THSD7B: variants seen among roughly 807,000 people sequenced by gnomAD.
THSD7B encodes the protein thrombospondin type 1 domain containing 7B.
THSD7B carries 138 observed loss-of-function variants against 213.6 expected under a neutral mutation model. The ratio of observed to expected loss-of-function variants is 0.65; its 90% CI spans 0.56 to 0.74. The LOEUF is 0.74. Among genes scored for constraint, THSD7B ranks in the 30% least tolerant of loss-of-function variants. THSD7B has a pLI of 0.00. For synonymous variants in THSD7B, 742 were observed against 687.0 expected, an observed-to-expected ratio of 1.08 and a Z score of -1.25; for missense variants, 1,931 against 1,991.5, an observed-to-expected ratio of 0.97 and a Z score of 0.58.
intron 17 of THSD7B, among the ~76,000 whole-genome samples, chr2:137,606,306 G>A (rs921521239): frequency 1.3e-5 from 2 of 152,112 alleles, no homozygotes; most frequent in African/African-American, 4.8e-5. Context: ...GACCTAGATC[G>A]AAGTCCCATG....
intron 1 of THSD7B, among the ~76,000 whole-genome samples, chr2:136,838,880 C>T (rs905971485): frequency 4.6e-5 from 7 of 152,162 alleles, no homozygotes; most frequent in Admixed American, 2.0e-4. Context: ...TCTACTTGTG[C>T]AGCTGCCTTG....
At chr2:137,319,276 C>A (rs1684209287) in intron 12 of THSD7B, among the ~76,000 whole-genome samples, 1 of 150,828 alleles carries the variant, frequency 6.6e-6, no homozygotes, top group Admixed American at 6.6e-5. Flanking sequence ...ATCTCCTTCA[C>A]CATCCATGTG....
chr2:136,983,449 T>C (rs4954458), intron 2 of THSD7B, among the ~76,000 whole-genome samples: 84,783 of 149,812 alleles, frequency 0.57, 25,759 homozygotes, highest in East Asian at 0.94. Flanking sequence ...TTTGGAGGTC[T>C]TCAAAGCATT....
At chr2:137,663,868 C>T (rs1418801297) in intron 26 of THSD7B, among the ~76,000 whole-genome samples, 3 of 151,978 alleles carry the variant, frequency 2.0e-5, no homozygotes, top group East Asian at 1.9e-4. Context: ...TTTCTTGGGT[C>T]GGGGAGAGAA....
chr2:137,485,730 A>T (rs1213335048), intron 15 of THSD7B, among the ~76,000 whole-genome samples: 1 of 152,214 alleles, frequency 6.6e-6, no homozygotes, highest in Non-Finnish European at 1.5e-5. Context: ...AAAAAATGTT[A>T]AGGGCAGCCA....
intron 1 of THSD7B, among the ~76,000 whole-genome samples, chr2:136,868,118 G>GCCCA (rs1440029892): frequency 7.3e-6 from 1 of 137,884 alleles, no homozygotes; most frequent in Non-Finnish European, 1.7e-5. Context: ...ACACACGCGC[G>GCCCA]CGCACACACA....
chr2:136,875,498 G>A (rs186757880), intron 1 of THSD7B, among the ~76,000 whole-genome samples: 3 of 152,198 alleles, frequency 2.0e-5, no homozygotes, highest in Admixed American at 6.5e-5. Flanking sequence ...ATATTTTTTA[G>A]GAGTAAAAGT....
At chr2:137,565,544 C>G (rs181827540) in intron 16 of THSD7B, among the ~76,000 whole-genome samples, 3 of 152,302 alleles carry the variant, frequency 2.0e-5, no homozygotes, top group Non-Finnish European at 4.4e-5. Flanking sequence ...CTTCAAGACT[C>G]AATTGCATCT....
rs1209904199 is a variant in THSD7B, at chr2:137,435,272, T to C, written c.2960-15573T>C. Among the ~76,000 whole-genome samples the C allele has an allele frequency of 4.6e-5, 7 of 152,204 alleles. No individual in the cohort carries two copies. In the East Asian group the frequency reaches 1.3e-3, roughly 29 times the overall value. On this transcript the variant is annotated intron_variant, in intron 14 of 27. Coordinates refer to ENST00000409968, the MANE Select transcript of THSD7B (RefSeq NM_001316349.2). ...GGTTTGGGGAAAGATACAAACTTTT[T>C]AAGGGTATGCCATGTGTTAGGCACT...
At chr2:136,926,644 T>C (rs145005944) in intron 2 of THSD7B, among the ~76,000 whole-genome samples, 76 of 151,796 alleles carry the variant, frequency 5.0e-4, no homozygotes, top group African/African-American at 1.7e-3. Flanking sequence ...CAGTGAGCCA[T>C]GATCATGCCA....
At chr2:137,225,027 GCTCTATGT>G (rs1432159899) in intron 7 of THSD7B, among the ~76,000 whole-genome samples, 2 of 151,536 alleles carry the variant, frequency 1.3e-5, no homozygotes, top group African/African-American at 2.4e-5. Context: ...TTTAGCCTTT[GCTCTATGT>G]TCTCTTTCTT....
chr2:137,023,953 G>C (rs1686496105), intron 2 of THSD7B, among the ~76,000 whole-genome samples: 1 of 149,888 alleles, frequency 6.7e-6, no homozygotes, highest in African/African-American at 2.5e-5. Flanking sequence ...TTTACTATCT[G>C]AAATAAGGTA....
intron 12 of THSD7B, among the ~76,000 whole-genome samples, chr2:137,381,759 G>A (rs1483734999): frequency 6.6e-6 from 1 of 152,174 alleles, no homozygotes; most frequent in East Asian, 1.9e-4. Flanking sequence ...AGTTGTCTTT[G>A]GAACACCAAT....
intron 2 of THSD7B, among the ~76,000 whole-genome samples, chr2:136,924,057 C>T (rs1007510237): frequency 7.2e-5 from 11 of 152,160 alleles, no homozygotes; most frequent in South Asian, 2.1e-4. Context: ...TTTCCCCTTA[C>T]GTTTACTTCT....
At chr2:136,891,593 A>G (rs1683860560) in intron 2 of THSD7B, among the ~76,000 whole-genome samples, 1 of 152,188 alleles carries the variant, frequency 6.6e-6, no homozygotes, top group Non-Finnish European at 1.5e-5. Flanking sequence ...AGTGGTCCAG[A>G]CTGGAGGCTC....
chr2:137,518,215 A>G (rs1680111281), intron 15 of THSD7B, among the ~76,000 whole-genome samples: 1 of 152,062 alleles, frequency 6.6e-6, no homozygotes. Context: ...GGAGTTCCCT[A>G]TGATCAGTTG....
intron 2 of THSD7B, among the ~76,000 whole-genome samples, chr2:136,976,103 A>T (rs1685476597): frequency 6.6e-6 from 1 of 152,206 alleles, no homozygotes; most frequent in Admixed American, 6.5e-5. Flanking sequence ...TTTTCTAGAT[A>T]AAAGATCATG....
At chr2:137,107,924 C>T (rs1440288273) in intron 4 of THSD7B, among the ~76,000 whole-genome samples, 1 of 152,142 alleles carries the variant, frequency 6.6e-6, no homozygotes, top group Non-Finnish European at 1.5e-5. Flanking sequence ...GATCAGTTCT[C>T]TTTATTTTAG....
intron 26 of THSD7B, among the ~76,000 whole-genome samples, chr2:137,667,445 G>A (rs1295944578): frequency 6.6e-6 from 1 of 152,076 alleles, no homozygotes; most frequent in Non-Finnish European, 1.5e-5. Flanking sequence ...AAACAACAAT[G>A]CAAACTGTTT....
Sources: gnomAD v4.1 joint callset for allele counts (sites outside exome capture counted in the v4.1 genomes callset) on GRCh38, gnomAD v4.1.1 for gene constraint, MANE v1.5 for transcripts, NCBI Gene and HGNC (gene_info 2026-07-23, HGNC 2026-07-21) for gene names.